ZDHHC11: variants seen among roughly 807,000 people sequenced by gnomAD.
The protein encoded by ZDHHC11 is palmitoyltransferase ZDHHC11.
Under a neutral mutation model 51.3 loss-of-function variants are expected in ZDHHC11, and 44 were observed. That is an observed-to-expected ratio of 0.86 (90% CI 0.67 to 1.10). The LOEUF is 1.10. Among genes scored for constraint, ZDHHC11 ranks in the 50% least tolerant of loss-of-function variants. The probability of loss-of-function intolerance (pLI) is 0.00; values close to 1 mark genes in which losing one functional copy is unlikely to be tolerated. For missense variants in ZDHHC11, 400 were observed against 537.7 expected, an observed-to-expected ratio of 0.74 and a Z score of 2.53; for synonymous variants, 163 against 222.0, an observed-to-expected ratio of 0.73 and a Z score of 2.36.
At chr5:850,159 C>T (rs777216484) in intron 1 of ZDHHC11, 6 of 579,884 alleles carry the variant, frequency 1.0e-5, no homozygotes, top group Admixed American at 3.1e-5. Context: ...ATTCCCTCTC[C>T]GGAGCCCCCT....
rs1737570787 is a variant in ZDHHC11, at chr5:796,333, G to A, written c.*255C>T. On this transcript the variant is annotated 3_prime_UTR_variant, in exon 13 of 13. Coordinates refer to ENST00000283441, the MANE Select transcript of ZDHHC11 (RefSeq NM_024786.3). ...GCTGGCAGCCCATCTTCCTGGAGAT[G>A]TAAACCCTCCTGCAAGGCTGGCTCT... The A allele has an allele frequency of 6.5e-6, 1 of 153,448 alleles. No homozygotes were observed. Among genetic ancestry groups the A allele is most frequent in the Non-Finnish European group, 1.5e-5 (1 of 67,786 alleles). 9.5% of individuals were successfully genotyped at this position (153,448 alleles called of 1,614,324 possible).
rs148976719 is a variant in ZDHHC11 at position 804,239 on chromosome 5, G to A, written c.1182-3075C>T. On this transcript the variant is annotated intron_variant, in intron 11 of 12. Coordinates refer to ENST00000283441, the MANE Select transcript of ZDHHC11 (RefSeq NM_024786.3). The stretch of plus-strand genomic sequence containing the variant: ...CAGTAGCATGATGAAATATCATTCT[G>A]CCCTGCTCTGCCCACCCAGGACATG... 7.7e-4 allele frequency among the ~76,000 whole-genome samples: 116 copies of A among 151,220 alleles called. 2 individuals carry two copies. Among genetic ancestry groups the A allele is most frequent in the Non-Finnish European group, 1.2e-3 (84 of 67,624 alleles).
intron 3 of ZDHHC11, among the ~76,000 whole-genome samples, chr5:844,989 G>A (rs1242731450): frequency 6.6e-6 from 1 of 152,260 alleles, no homozygotes; most frequent in African/African-American, 2.4e-5. Context: ...CCTTTCCATT[G>A]TATTATGTTC....
intron 7 of ZDHHC11, among the ~76,000 whole-genome samples, chr5:831,217 T>C (rs1743035176): frequency 1.3e-5 from 2 of 149,522 alleles, no homozygotes; most frequent in South Asian, 4.2e-4. Flanking sequence ...GAAGAAAATA[T>C]TAACAATCTG....
chr5:850,708 A>C lies in ZDHHC11; in HGVS notation c.-106T>G. 1 of 1,369,952 alleles carries C rather than the reference A, an allele frequency of 7.3e-7. No homozygotes were observed. Among genetic ancestry groups the C allele is most frequent in the Non-Finnish European group, 1.0e-6 (1 of 998,288 alleles). The allele number at this position is 1,369,952 out of a possible 1,614,324, so 84.9% of individuals were successfully genotyped here. Reference sequence around the variant, plus strand: ...GACTGGGAATGCAGCCGCCAGGACCAGCACTGACAGCCAATGGCCCAGCAC... The same window carrying C: ...GACTGGGAATGCAGCCGCCAGGACCCGCACTGACAGCCAATGGCCCAGCAC... On this transcript the variant is annotated 5_prime_UTR_variant, in exon 1 of 13. Coordinates refer to ENST00000283441, the MANE Select transcript of ZDHHC11 (RefSeq NM_024786.3).
At chr5:844,152 C>T (rs1363815418) in intron 3 of ZDHHC11, among the ~76,000 whole-genome samples, 3 of 152,154 alleles carry the variant, frequency 2.0e-5, no homozygotes, top group African/African-American at 7.2e-5. Flanking sequence ...AACCCTGCTC[C>T]CGACCGCGCC....
At chr5:818,364 C>T (rs6875688) in intron 10 of ZDHHC11, among the ~76,000 whole-genome samples, 36,081 of 150,872 alleles carry the variant, frequency 0.24, 7,193 homozygotes, top group African/African-American at 0.53. Flanking sequence ...CATATCTTTG[C>T]TGGAAGTGCA....
At chr5:834,555 CTT>C (rs1238994392) in intron 6 of ZDHHC11, among the ~76,000 whole-genome samples, 6 of 152,126 alleles carry the variant, frequency 3.9e-5, no homozygotes, top group Admixed American at 3.3e-4. Flanking sequence ...TTTGAAAGCT[CTT>C]TGTGTCTTTG....
At chr5:821,962 A>G (rs1741631580) in intron 8 of ZDHHC11, 67 bp from the exon 9 acceptor site, 2 of 1,438,920 alleles carry the variant, frequency 1.4e-6, no homozygotes, top group Non-Finnish European at 1.9e-6. Flanking sequence ...AAAAAATTCA[A>G]GTCCATTTCT....
At chr5:812,604 A>G (rs1438367278) in intron 11 of ZDHHC11, among the ~76,000 whole-genome samples, 4 of 151,304 alleles carry the variant, frequency 2.6e-5, no homozygotes, top group Non-Finnish European at 5.9e-5. Flanking sequence ...GGAAATTTGC[A>G]TTGTTTAAAC....
intron 5 of ZDHHC11, among the ~76,000 whole-genome samples, chr5:838,848 C>T (rs1165296504): frequency 2.0e-5 from 3 of 149,418 alleles, no homozygotes; most frequent in Admixed American, 2.0e-4. Flanking sequence ...GCCTGCAGCA[C>T]CCCACGTGCT....
In ZDHHC11 at chr5:798,296, C is replaced by A. The variant is rs1579505377; in HGVS notation, c.*8-1716G>T. Reference sequence around the variant, plus strand: ...GCCAGCTGCACTCCCCACTAGATTTCTCTTTGGGTTCCTCTGTGCCTTCAA... The same window carrying A: ...GCCAGCTGCACTCCCCACTAGATTTATCTTTGGGTTCCTCTGTGCCTTCAA... On this transcript the variant is annotated intron_variant, in intron 12 of 12. Transcript: ENST00000283441. Among the ~76,000 whole-genome samples, 4 of 151,160 alleles carry A rather than the reference C, an allele frequency of 2.6e-5. No individual in the cohort carries two copies. The South Asian group carries it at 8.3e-4, about 32-fold the overall frequency.
chr5:820,933 T>C (rs991408860), intron 9 of ZDHHC11, among the ~76,000 whole-genome samples: 44 of 151,216 alleles, frequency 2.9e-4, no homozygotes, highest in African/African-American at 9.9e-4. Flanking sequence ...CCTGGGCCTG[T>C]GTTTAGGGAA....
intron 10 of ZDHHC11, among the ~76,000 whole-genome samples, chr5:817,235 A>C (rs1740927006): frequency 2.0e-5 from 3 of 151,566 alleles, no homozygotes; most frequent in Admixed American, 1.3e-4. Context: ...TTTCTGCAAA[A>C]GCATTTTTGC....
intron 7 of ZDHHC11, among the ~76,000 whole-genome samples, chr5:833,266 C>G (rs1454113416): frequency 6.6e-6 from 1 of 152,194 alleles, no homozygotes; most frequent in Non-Finnish European, 1.5e-5. Context: ...CCGCACTGCA[C>G]AGCACTAGCT....
At chr5:859,547 G>A (rs1033472715), upstream of ZDHHC11, among the ~76,000 whole-genome samples, 1 of 152,184 alleles carries the variant, frequency 6.6e-6, no homozygotes, top group Non-Finnish European at 1.5e-5. Context: ...CCGGGGGAGG[G>A]ACCTGCGCAG....
At chr5:803,968 G>A (rs199572309) in intron 11 of ZDHHC11, among the ~76,000 whole-genome samples, 29,890 of 147,870 alleles carry the variant, frequency 0.2, 4,407 homozygotes, top group African/African-American at 0.41. Flanking sequence ...AAAAAAAAAA[G>A]ATTAAGGAAG....
intron 11 of ZDHHC11, among the ~76,000 whole-genome samples, chr5:814,416 G>A (rs1327882444): frequency 3.3e-5 from 5 of 151,236 alleles, no homozygotes; most frequent in African/African-American, 1.2e-4. Flanking sequence ...TGTATTTAGA[G>A]TTGAAATGAC....
At chr5:858,255 G>C (rs1474409979) in intron 1 of ZDHHC11, among the ~76,000 whole-genome samples, 1 of 150,192 alleles carries the variant, frequency 6.7e-6, no homozygotes, top group Non-Finnish European at 1.5e-5. Context: ...GTCTGTCCTG[G>C]TCCCCATCCT....
Sources: gnomAD v4.1 joint callset for allele counts (sites outside exome capture counted in the v4.1 genomes callset) on GRCh38, gnomAD v4.1.1 for gene constraint, MANE v1.5 for transcripts, NCBI Gene and HGNC (gene_info 2026-07-23, HGNC 2026-07-21) for gene names.